Variants in NUMBL observed in about 807,000 individuals in gnomAD.
NUMBL encodes the protein NUMB like endocytic adaptor protein, also known as numb-like protein.
In NUMBL, 20 loss-of-function variants were observed where a neutral mutation model predicts 48.9. The ratio of observed to expected loss-of-function variants is 0.41; its 90% confidence interval spans 0.29 to 0.59. The LOEUF (loss-of-function observed/expected upper bound fraction) is 0.59. Ranked by LOEUF, NUMBL falls within the 20% of genes least tolerant of loss-of-function variation. The pLI, the probability that NUMBL is intolerant of heterozygous loss-of-function variation, is 0.31. For synonymous variants in NUMBL, 340 were observed against 348.7 expected (o/e 0.98, Z 0.28); for missense variants, 660 against 846.2 (o/e 0.78, Z 2.73).
rs2081939276 is a variant in NUMBL, at chr19:40,687,105, G to A, written c.25-110C>T. 1.6e-6 allele frequency: 1 copy of A among 632,948 alleles called. No homozygotes were observed. Among genetic ancestry groups the A allele is most frequent in the African/African-American group, 1.9e-5 (1 of 52,900 alleles). The allele number at this position is 632,948 out of a possible 1,614,324, so 39.2% of individuals were successfully genotyped here. On this transcript the variant is annotated intron_variant, in intron 1 of 9. Coordinates refer to ENST00000252891, the MANE Select transcript of NUMBL (RefSeq NM_004756.5). This position sits in a 1 kb window ranked among gnomAD's most constrained non-coding sequence, Gnocchi z 4.6. ...CAGCCCCCTCCATCTTGGGCTCCCT[G>A]ATGAGAGTCCTAGTTGTCCTAGCAA...
chr19:40,673,002 G>A lies in NUMBL; in HGVS notation c.1036+342C>T, dbSNP rs545733176. 4.6e-5 allele frequency among the ~76,000 whole-genome samples: 7 copies of A among 151,892 alleles called. No homozygotes were observed. Among genetic ancestry groups the A allele is most frequent in the African/African-American group, 9.7e-5 (4 of 41,422 alleles). On this transcript the variant is annotated intron_variant, in intron 8 of 9. Transcript: ENST00000252891. This position sits in a 1 kb window ranked among gnomAD's most constrained non-coding sequence, Gnocchi z 5.9. Reference sequence around the variant, plus strand: ...ATGGCAAACTTCCTTATCCATGCCCGACTTCTTTGTCCATAGCCGACTTTG... The same window carrying A: ...ATGGCAAACTTCCTTATCCATGCCCAACTTCTTTGTCCATAGCCGACTTTG...
At chr19:40,677,989 G>A (rs1312749604) in intron 6 of NUMBL, among the ~76,000 whole-genome samples, 5 of 152,134 alleles carry the variant, frequency 3.3e-5, no homozygotes, top group African/African-American at 1.2e-4. Context: ...GAAATTCGTT[G>A]ACTGTACACC....
rs2081807739 is a variant in NUMBL at position 40,666,378 on chromosome 19, G to C, written c.*1090C>G. ...TGGTCTCGAACTCCTGACCTTAAGT[G>C]ATCTGCCTGCCTCGACCTCCCAAAG... On this transcript the variant is annotated 3_prime_UTR_variant, in exon 10 of 10. Coordinates refer to ENST00000252891, the MANE Select transcript of NUMBL (RefSeq NM_004756.5). 1 of 152,142 alleles carries C rather than the reference G, an allele frequency of 6.6e-6. No homozygotes were observed. Among genetic ancestry groups the C allele is most frequent in the South Asian group, 2.1e-4 (1 of 4,828 alleles). The allele number at this position is 152,142 out of a possible 1,614,324, so 9.4% of individuals were successfully genotyped here. A position where few individuals can be genotyped will look rare whatever the true frequency, so the allele number is the denominator to read the frequency against.
At chr19:40,677,154 C>A (rs1473862875) in intron 7 of NUMBL, 78 bp downstream of exon 7, 8 of 1,452,428 alleles carry the variant, frequency 5.5e-6, no homozygotes, top group Non-Finnish European at 7.5e-6. Flanking sequence ...GTCTCTGCAC[C>A]TCTGCAGCTC....
chr19:40,681,111 C>A, intron 5 of NUMBL, 54 bp from the exon 6 acceptor site: 1 of 1,583,516 alleles, frequency 6.3e-7, no homozygotes, highest in South Asian at 1.1e-5. Context: ...TTCAAGTGTT[C>A]ACTCAACATT....
At position 40,687,063 on chromosome 19, in the gene NUMBL, C is replaced by G; in HGVS notation, c.25-68G>C. 1.0e-6 allele frequency: 1 copy of G among 960,236 alleles called. No individual in the cohort carries two copies. The highest frequency in any genetic ancestry group is 1.5e-6 in the Non-Finnish European group (1 of 665,588). The allele number at this position is 960,236 out of a possible 1,614,324, so 59.5% of individuals were successfully genotyped here. A position where few individuals can be genotyped will look rare whatever the true frequency, so the allele number is the denominator to read the frequency against. Reference sequence around the variant, plus strand: ...TGGGGCTCAGTCTGATACTTCACCCCGACTTTGGACTTCGGCCAGCCCCCT... The same window carrying G: ...TGGGGCTCAGTCTGATACTTCACCCGGACTTTGGACTTCGGCCAGCCCCCT... On this transcript the variant is annotated intron_variant, in intron 1 of 9. Coordinates refer to ENST00000252891, the MANE Select transcript of NUMBL (RefSeq NM_004756.5). This position sits in a 1 kb window ranked among gnomAD's most constrained non-coding sequence, Gnocchi z 4.6.
intron 1 of NUMBL, 88 bp downstream of exon 1, chr19:40,690,372 A>C (rs2081959088): frequency 1.2e-5 from 9 of 777,048 alleles, no homozygotes; most frequent in East Asian, 3.5e-5. Flanking sequence ...CCCTCTCTCC[A>C]TCCGGGCGCC....
intron 5 of NUMBL, among the ~76,000 whole-genome samples, chr19:40,681,953 G>A (rs1026315422): frequency 1.4e-4 from 21 of 152,096 alleles, no homozygotes; most frequent in African/African-American, 4.3e-4. Flanking sequence ...GATTACAGGC[G>A]TGAGCCACCG....
chr19:40,671,375 T>TG (rs397734303), intron 8 of NUMBL, among the ~76,000 whole-genome samples: 79,473 of 151,432 alleles, frequency 0.52, 21,773 homozygotes, highest in African/African-American at 0.7. Context: ...GACATGTGTG[T>TG]GGGGGGGTGC....
At chr19:40,677,052 G>A (rs1043196125) in intron 7 of NUMBL, among the ~76,000 whole-genome samples, 180 bp downstream of exon 7, 4 of 152,158 alleles carry the variant, frequency 2.6e-5, no homozygotes, top group African/African-American at 7.2e-5. Context: ...GACCTCAAGC[G>A]ATCCGCCCAT....
chr19:40,686,600 T>G (rs1176193287), intron 2 of NUMBL, among the ~76,000 whole-genome samples: 1 of 152,126 alleles, frequency 6.6e-6, no homozygotes, highest in Non-Finnish European at 1.5e-5. Flanking sequence ...AACATCTACT[T>G]CAGCATGTGT....
At chr19:40,674,281 C>G (rs146508040) in intron 7 of NUMBL, among the ~76,000 whole-genome samples, 207 of 152,336 alleles carry the variant, frequency 1.4e-3, no homozygotes, top group African/African-American at 4.8e-3. Flanking sequence ...CTTCTTCCCA[C>G]CTCAAGTAGC....
chr19:40,680,092 C>A (rs1177823866), intron 6 of NUMBL, among the ~76,000 whole-genome samples: 2 of 151,866 alleles, frequency 1.3e-5, no homozygotes, highest in Non-Finnish European at 2.9e-5. Flanking sequence ...AGGAGATGGT[C>A]CTGCTCTTTT....
intron 3 of NUMBL, among the ~76,000 whole-genome samples, chr19:40,683,648 C>T (rs990489182): frequency 6.6e-6 from 1 of 152,216 alleles, no homozygotes; most frequent in African/African-American, 2.4e-5. Context: ...CCTGCTCTCC[C>T]CCTCACAGGA....
chr19:40,690,612 G>T lies in NUMBL; in HGVS notation c.-129C>A. On this transcript the variant is annotated 5_prime_UTR_variant, in exon 1 of 10. Transcript: ENST00000252891. ...GGGCCCGGGGCCGGGGGATGGTGCG[G>T]GATGCACGCGCGCGAGCCTCCTCGG... The T allele has an allele frequency of 2.2e-6, 1 of 451,708 alleles. No individual in the cohort carries two copies. Among genetic ancestry groups the T allele is most frequent in the South Asian group, 1.1e-4 (1 of 9,030 alleles). 28.0% of individuals were successfully genotyped at this position (451,708 alleles called of 1,614,324 possible). A position where few individuals can be genotyped will look rare whatever the true frequency, so the allele number is the denominator to read the frequency against.
At chr19:40,689,829 T>G (rs1313596854) in intron 1 of NUMBL, among the ~76,000 whole-genome samples, 10 of 151,784 alleles carry the variant, frequency 6.6e-5, no homozygotes, top group Non-Finnish European at 1.2e-4. Flanking sequence ...CCTGAAATTG[T>G]CCTTATTTTA....
At position 40,687,134 on chromosome 19, in the gene NUMBL, T is replaced by C; in HGVS notation, c.25-139A>G. 1 of 582,052 alleles carries C rather than the reference T, an allele frequency of 1.7e-6. No individual in the cohort carries two copies. Among genetic ancestry groups the C allele is most frequent in the Non-Finnish European group, 3.0e-6 (1 of 334,362 alleles). 36.1% of individuals were successfully genotyped at this position (582,052 alleles called of 1,614,324 possible). On this transcript the variant is annotated intron_variant, in intron 1 of 9. Coordinates refer to ENST00000252891, the MANE Select transcript of NUMBL (RefSeq NM_004756.5). This position sits in a 1 kb window ranked among gnomAD's most constrained non-coding sequence, Gnocchi z 4.6. ...AGAGTCCTAGTTGTCCTAGCAACTG[T>C]TACCAGGGAGATCAGCCACCTGGTT...
rs944680618 is a variant in NUMBL, at chr19:40,690,527, T to C, written c.-44A>G. ...CGCCTCCCGCGGCCCTGGCTGGGCC[T>C]GGCTCCCCGACTGCTGCTGCTGCGG... On this transcript the variant is annotated 5_prime_UTR_variant, in exon 1 of 10. Coordinates refer to ENST00000252891, the MANE Select transcript of NUMBL (RefSeq NM_004756.5). 56 of 1,207,316 alleles carry C rather than the reference T, an allele frequency of 4.6e-5. No homozygotes were observed. Among genetic ancestry groups the C allele is most frequent in the African/African-American group, 6.4e-5 (4 of 62,980 alleles). 74.8% of individuals were successfully genotyped at this position (1,207,316 alleles called of 1,614,324 possible). A position where few individuals can be genotyped will look rare whatever the true frequency, so the allele number is the denominator to read the frequency against.
At chr19:40,677,460 G>A (rs776612457) in intron 6 of NUMBL, 39 bp from the exon 7 acceptor site, 6 of 1,580,526 alleles carry the variant, frequency 3.8e-6, no homozygotes, top group Non-Finnish European at 5.1e-6. Flanking sequence ...AGAGGCGCTG[G>A]GCAGTGCGGA....
Sources: allele counts gnomAD v4.1 joint callset (sites outside exome capture counted in the v4.1 genomes callset), GRCh38; gene constraint gnomAD v4.1.1; non-coding constraint Gnocchi (gnomAD v3.1); transcripts MANE v1.5; gene names NCBI Gene and HGNC (gene_info 2026-07-23, HGNC 2026-07-21).